Variants in RNLS observed in about 807,000 individuals in gnomAD.
RNLS encodes renalase.
RNLS carries 39 observed loss-of-function variants against 39.8 expected under a neutral mutation model. The ratio of observed to expected loss-of-function variants is 0.98; its 90% CI spans 0.76 to 1.28. RNLS has a LOEUF of 1.28. Ranked by LOEUF, RNLS falls within the 50% of genes most tolerant of loss-of-function variation. The pLI is 0.00. For missense variants in RNLS, 410 were observed against 413.3 expected (o/e 0.99, Z 0.07); for synonymous variants, 147 against 150.7 (o/e 0.98, Z 0.18).
At chr10:88,494,508 C>T (rs1021881797) in intron 4 of RNLS, among the ~76,000 whole-genome samples, 1 of 152,042 alleles carries the variant, frequency 6.6e-6, no homozygotes, top group Admixed American at 6.6e-5. Context: ...TTTACTTGAA[C>T]CTCTACTTAC....
At chr10:88,249,151 A>G in the RNLS span, among the ~76,000 whole-genome samples, 1 of 152,244 alleles carries the variant, frequency 6.6e-6, no homozygotes, top group Non-Finnish European at 1.5e-5. Context: ...TGAAAGAGAA[A>G]GAAACAATTA....
chr10:88,188,554 A>C, the RNLS span, among the ~76,000 whole-genome samples: 2 of 152,268 alleles, frequency 1.3e-5, no homozygotes, highest in Non-Finnish European at 2.9e-5. Context: ...ACCAAATTCT[A>C]AAAGCAGTTG....
intron 6 of RNLS, among the ~76,000 whole-genome samples, chr10:88,306,140 G>A (rs1283637867): frequency 1.3e-5 from 2 of 152,034 alleles, no homozygotes; most frequent in Non-Finnish European, 2.9e-5. Flanking sequence ...TGAGAACAAC[G>A]ATACAACATA....
chr10:88,241,520 T>C, the RNLS span, among the ~76,000 whole-genome samples: 1 of 152,222 alleles, frequency 6.6e-6, no homozygotes, highest in African/African-American at 2.4e-5. Flanking sequence ...GTACTGTTTA[T>C]TTCTGCCTCT....
intron 4 of RNLS, among the ~76,000 whole-genome samples, chr10:88,490,340 T>C (rs1029249485): frequency 1.3e-5 from 2 of 152,210 alleles, no homozygotes; most frequent in African/African-American, 2.4e-5. Context: ...AAATTCTCTA[T>C]TGCATAATTT....
intron 4 of RNLS, among the ~76,000 whole-genome samples, chr10:88,458,968 AC>A (rs1267368389): frequency 6.6e-6 from 1 of 152,182 alleles, no homozygotes; most frequent in Non-Finnish European, 1.5e-5. Context: ...AGGGCAGACT[AC>A]CTGGTGGTAT....
chr10:88,400,468 A>G (rs1589729850), intron 4 of RNLS, among the ~76,000 whole-genome samples: 1 of 152,012 alleles, frequency 6.6e-6, no homozygotes, highest in Admixed American at 6.6e-5. Flanking sequence ...CACACTTCCA[A>G]TCTTTCGGGA....
the RNLS span, among the ~76,000 whole-genome samples, chr10:88,175,695 G>A: frequency 6.6e-6 from 1 of 152,158 alleles, no homozygotes; most frequent in African/African-American, 2.4e-5. Flanking sequence ...TCCATATGCT[G>A]CTGAAAAGAA....
intron 4 of RNLS, among the ~76,000 whole-genome samples, chr10:88,501,690 A>G (rs1390995613): frequency 6.6e-6 from 1 of 152,164 alleles, no homozygotes; most frequent in Non-Finnish European, 1.5e-5. Flanking sequence ...AAGCGTGTGG[A>G]TTCCTCTTTA....
downstream of RNLS, among the ~76,000 whole-genome samples, chr10:88,280,007 C>T (rs916258700): frequency 6.6e-6 from 1 of 152,058 alleles, no homozygotes; most frequent in African/African-American, 2.4e-5. Flanking sequence ...CACTAACTCT[C>T]CTTATCATCA....
At chr10:88,175,308 T>C in the RNLS span, among the ~76,000 whole-genome samples, 1 of 152,140 alleles carries the variant, frequency 6.6e-6, no homozygotes, top group African/African-American at 2.4e-5. Flanking sequence ...GGTTTGTTCT[T>C]GCTTTTCGAG....
chr10:88,455,080 G>C (rs1842554620), intron 4 of RNLS, among the ~76,000 whole-genome samples: 1 of 152,164 alleles, frequency 6.6e-6, no homozygotes, highest in Non-Finnish European at 1.5e-5. Flanking sequence ...CTAGTAGCTA[G>C]AGAAGCACAC....
intron 4 of RNLS, among the ~76,000 whole-genome samples, chr10:88,427,845 T>G (rs1389764159): frequency 6.6e-6 from 1 of 151,968 alleles, no homozygotes; most frequent in African/African-American, 2.4e-5. Context: ...ATGATCTCAC[T>G]TCATATAGGA....
intron 5 of RNLS, among the ~76,000 whole-genome samples, chr10:88,318,278 G>T (rs1845915877): frequency 6.6e-6 from 1 of 152,216 alleles, no homozygotes; most frequent in Non-Finnish European, 1.5e-5. Context: ...TTGGTGGGCT[G>T]CCCTGAAGGC....
chr10:88,379,574 C>CAGAT (rs1554876930), intron 4 of RNLS, among the ~76,000 whole-genome samples: 1 of 152,090 alleles, frequency 6.6e-6, no homozygotes, highest in African/African-American at 2.4e-5. Context: ...ACTAATTTGC[C>CAGAT]AGATAGATTT....
intron 4 of RNLS, among the ~76,000 whole-genome samples, chr10:88,414,693 A>AGTATTGTT (rs1235713336): frequency 9.2e-5 from 14 of 152,192 alleles, no homozygotes; most frequent in Admixed American, 3.3e-4. Context: ...GGGAGTTGGA[A>AGTATTGTT]GTATTGTTAG....
chr10:88,303,632 T>C (rs1382360462), intron 6 of RNLS, among the ~76,000 whole-genome samples: 2 of 152,202 alleles, frequency 1.3e-5, no homozygotes, highest in East Asian at 1.9e-4. Context: ...CATGTCTGTA[T>C]GGGGTGGGTT....
intron 3 of RNLS, 112 bp from the exon 4 acceptor site, chr10:88,573,173 T>A: frequency 1.1e-6 from 1 of 900,010 alleles, no homozygotes; most frequent in Non-Finnish European, 1.7e-6. Flanking sequence ...GCCAAGACTG[T>A]CTTCTACTGT....
chr10:88,341,581 G>A (rs749780098), intron 5 of RNLS, among the ~76,000 whole-genome samples: 22 of 151,788 alleles, frequency 1.4e-4, no homozygotes, highest in African/African-American at 5.1e-4. Context: ...AAAAAGAAAC[G>A]TGCCATATAA....
Sources: allele counts gnomAD v4.1 joint callset (sites outside exome capture counted in the v4.1 genomes callset), GRCh38; gene constraint gnomAD v4.1.1; transcripts MANE v1.5; gene names NCBI Gene and HGNC (gene_info 2026-07-23, HGNC 2026-07-21).